The following TIMM44 variants were observed in gnomAD, a reference collection of about 807,000 sequenced individuals.
The protein encoded by TIMM44 is translocase of inner mitochondrial membrane 44.
TIMM44 carries 37 observed loss-of-function variants against 63.8 expected under a neutral mutation model. The observed-to-expected ratio is 0.58, with a 90% CI of 0.45 to 0.76. TIMM44 has a LOEUF of 0.76. Among genes scored for constraint, TIMM44 ranks in the 30% least tolerant of loss-of-function variants. The pLI is 0.00. For synonymous variants in TIMM44, 239 were observed against 245.1 expected (o/e 0.98, Z 0.23); for missense variants, 573 against 603.8 (o/e 0.95, Z 0.54).
chr19:7,933,711 C>T lies in TIMM44; in HGVS notation c.684-141G>A, dbSNP rs1216344181. The T allele has an allele frequency of 3.7e-6, 5 of 1,360,702 alleles. No homozygotes were observed. Among genetic ancestry groups the T allele is most frequent in the Non-Finnish European group, 5.2e-6 (5 of 959,584 alleles). 84.3% of individuals were successfully genotyped at this position (1,360,702 alleles called of 1,614,324 possible). A position where few individuals can be genotyped will look rare whatever the true frequency, so the allele number is the denominator to read the frequency against. The stretch of plus-strand genomic sequence containing the variant: ...GGGGCTCTGAGGACCCCGCCCTCAC[C>T]TCTCACCCTCAAATTCGAGGGAGCC... On this transcript the variant is annotated intron_variant, in intron 6 of 12. Transcript: ENST00000270538. The surrounding 1 kb of genome is among the most constrained non-coding windows in gnomAD (Gnocchi z 4.3).
intron 10 of TIMM44, chr19:7,928,555 A>T (rs1370905354): frequency 1.5e-5 from 3 of 202,094 alleles, no homozygotes; most frequent in South Asian, 1.6e-4. Context: ...ATCTGTCCTC[A>T]GCCTGAGGCT....
Position 7,933,626 on chromosome 19 carries a change from C to A in TIMM44, c.684-56G>T. On this transcript the variant is annotated intron_variant, in intron 6 of 12. Transcript: ENST00000270538. The surrounding 1 kb of genome is among the most constrained non-coding windows in gnomAD (Gnocchi z 4.3). ...GGCGGCGCCAGGGCCACCCTGTGCC[C>A]TCCTGCGGCTGCAGGCAGGGGGCAG... 1 of 1,506,822 alleles carries A rather than the reference C, an allele frequency of 6.6e-7. No individual in the cohort carries two copies. Among genetic ancestry groups the A allele is most frequent in the Non-Finnish European group, 9.2e-7 (1 of 1,083,114 alleles). 93.3% of individuals were successfully genotyped at this position (1,506,822 alleles called of 1,614,324 possible).
In TIMM44 at chr19:7,935,723, C is replaced by T. The variant is rs890132175; in HGVS notation, c.313-578G>A. Among the ~76,000 whole-genome samples, 4 of 152,330 alleles carry T rather than the reference C, an allele frequency of 2.6e-5. No homozygotes were observed. In the South Asian group the frequency reaches 8.3e-4, roughly 32 times the overall value. On this transcript the variant is annotated intron_variant, in intron 3 of 12. Coordinates refer to ENST00000270538, the MANE Select transcript of TIMM44 (RefSeq NM_006351.4). ...AACAGGAGGCCCAGCCTTCACCTTT[C>T]ACCGGGTGGTAGGAGGTGGCCTTGC... is the stretch of plus-strand genomic sequence containing the variant.
rs770117740 is a variant in TIMM44 at position 7,938,215 on chromosome 19, GA to G, written c.142-19del. 5.3e-5 allele frequency: 85 copies of G among 1,603,248 alleles called. No individual in the cohort carries two copies. Among genetic ancestry groups the G allele is most frequent in the Non-Finnish European group, 6.6e-5 (77 of 1,175,274 alleles). ...GATTTGGACTAGAAAGAATGTACAA[GA>G]AAAAAAATTTAAAGAACATAGTAGA... On this transcript the variant is annotated intron_variant, in intron 2 of 12. Transcript: ENST00000270538.
chr19:7,929,143 G>A (rs1191453871), intron 10 of TIMM44, among the ~76,000 whole-genome samples: 3 of 152,108 alleles, frequency 2.0e-5, no homozygotes, highest in Non-Finnish European at 4.4e-5. Flanking sequence ...GTCGGGGAGC[G>A]AATAGGGTGA....
rs1190074301 is a variant in TIMM44 at position 7,934,340 on chromosome 19, T to C, written c.394-102A>G. On this transcript the variant is annotated intron_variant, in intron 4 of 12. Transcript: ENST00000270538. This position sits in a 1 kb window ranked among gnomAD's most constrained non-coding sequence, Gnocchi z 5.3. ...CTGCCGGAGAGAAGGGCGGATCTGG[T>C]TCCCCGAGGCCGGCAGAGGCCTTCT... 4.0e-6 allele frequency: 6 copies of C among 1,505,290 alleles called. No individual in the cohort carries two copies. In the Admixed American group the frequency reaches 1.0e-4, roughly 25 times the overall value. The allele number at this position is 1,505,290 out of a possible 1,614,324, so 93.2% of individuals were successfully genotyped here.
chr19:7,939,695 C>A (rs1399650349), intron 2 of TIMM44, among the ~76,000 whole-genome samples: 2 of 151,416 alleles, frequency 1.3e-5, no homozygotes, highest in Non-Finnish European at 2.9e-5. Flanking sequence ...GTGGGCGGAT[C>A]ACTTGAGGCC....
At chr19:7,931,486 T>TG (rs1983981165) in intron 9 of TIMM44, 2 of 438,984 alleles carry the variant, frequency 4.6e-6, no homozygotes, top group East Asian at 8.7e-5. Context: ...GAAAGGTGGC[T>TG]GGGGACCCAG....
chr19:7,930,213 C>T (rs1246824868), intron 10 of TIMM44, among the ~76,000 whole-genome samples: 3 of 151,898 alleles, frequency 2.0e-5, no homozygotes, highest in Non-Finnish European at 4.4e-5. Flanking sequence ...CGATGACTCA[C>T]TGCAGCCTTG....
rs1160908793 is a variant in TIMM44, at chr19:7,927,012, C to T, written c.*175G>A. ...CGGGGGAGTGTCTCCAGCTGCCGCG[C>T]ACCCGCAACAGCCCGTTGTCCCCTC... On this transcript the variant is annotated 3_prime_UTR_variant, in exon 13 of 13. Transcript: ENST00000270538. 2 of 898,484 alleles carry T rather than the reference C, an allele frequency of 2.2e-6. No homozygotes were observed. The highest frequency in any genetic ancestry group is 1.6e-5 in the African/African-American group (1 of 60,844). The allele number at this position is 898,484 out of a possible 1,614,324, so 55.7% of individuals were successfully genotyped here. A position where few individuals can be genotyped will look rare whatever the true frequency, so the allele number is the denominator to read the frequency against.
At position 7,932,951 on chromosome 19, in the gene TIMM44, G is replaced by A. The variant is rs750592317; in HGVS notation, c.770-19C>T. 12 of 1,609,512 alleles carry A rather than the reference G, an allele frequency of 7.5e-6. No individual in the cohort carries two copies. Among genetic ancestry groups the A allele is most frequent in the South Asian group, 2.2e-5 (2 of 91,004 alleles). The stretch of plus-strand genomic sequence containing the variant: ...AAGAACCCTGTGGAAGATGGGGTAG[G>A]TGCTGGAGAAGGGGCCCCTTCCAGA... On this transcript the variant is annotated intron_variant, in intron 7 of 12. Coordinates refer to ENST00000270538, the MANE Select transcript of TIMM44 (RefSeq NM_006351.4).
rs1274931675 is a variant in TIMM44 at position 7,943,522 on chromosome 19, G to A, written c.45+85C>T. 3.9e-5 allele frequency: 57 copies of A among 1,467,786 alleles called. No individual in the cohort carries two copies. The East Asian group carries it at 8.1e-4, about 21-fold the overall frequency. 90.9% of individuals were successfully genotyped at this position (1,467,786 alleles called of 1,614,324 possible). ...AGGAGCCCAAGCAAGGGTCGCGAAGGCCAAGGGTCTGAGAAGAAAGCCTTG... is the reference window on the plus strand; with the variant it reads ...AGGAGCCCAAGCAAGGGTCGCGAAGACCAAGGGTCTGAGAAGAAAGCCTTG... On this transcript the variant is annotated intron_variant, in intron 1 of 12. Transcript: ENST00000270538. The surrounding 1 kb of genome is among the most constrained non-coding windows in gnomAD (Gnocchi z 4.3).
In TIMM44 at chr19:7,934,360, C is replaced by G; in HGVS notation, c.394-122G>C. The G allele has an allele frequency of 7.5e-7, 1 of 1,327,544 alleles. No individual in the cohort carries two copies. The highest frequency in any genetic ancestry group is 1.1e-6 in the Non-Finnish European group (1 of 941,218). 82.2% of individuals were successfully genotyped at this position (1,327,544 alleles called of 1,614,324 possible). ...TCTGGTTCCCCGAGGCCGGCAGAGG[C>G]CTTCTGTGCTCCTGTGGTACGCGGC... On this transcript the variant is annotated intron_variant, in intron 4 of 12. Transcript: ENST00000270538. This position sits in a 1 kb window ranked among gnomAD's most constrained non-coding sequence, Gnocchi z 5.3.
Position 7,928,956 on chromosome 19 carries a change from C to A in TIMM44, c.1039-790G>T, listed in dbSNP as rs1027273915. 3.5e-5 allele frequency: 5 copies of A among 142,842 alleles called. No homozygotes were observed. The East Asian group carries it at 9.9e-4, about 28-fold the overall frequency. 8.8% of individuals were successfully genotyped at this position (142,842 alleles called of 1,614,324 possible). A position where few individuals can be genotyped will look rare whatever the true frequency, so the allele number is the denominator to read the frequency against. ...AAAAAAAAAAAAAAAAAATCCACAT[C>A]GAAACTCATAAATGCCTGCTGGATT... On this transcript the variant is annotated intron_variant, in intron 10 of 12. Coordinates refer to ENST00000270538, the MANE Select transcript of TIMM44 (RefSeq NM_006351.4).
At chr19:7,932,519 C>T in intron 9 of TIMM44, 108 bp downstream of exon 9, 3 of 1,503,000 alleles carry the variant, frequency 2.0e-6, no homozygotes, top group African/African-American at 1.4e-5. Flanking sequence ...CAGAAAACAG[C>T]CTCGGCAGCA....
Position 7,938,210 on chromosome 19 carries a change from T to C in TIMM44, c.142-13A>G, listed in dbSNP as rs750069400. On this transcript the variant is annotated splice_polypyrimidine_tract_variant and intron_variant, in intron 2 of 12. Coordinates refer to ENST00000270538, the MANE Select transcript of TIMM44 (RefSeq NM_006351.4). ...AATATGATTTGGACTAGAAAGAATG[T>C]ACAAGAAAAAAAATTTAAAGAACAT... 11 of 1,607,624 alleles carry C rather than the reference T, an allele frequency of 6.8e-6. No homozygotes were observed. The African/African-American group carries it at 1.2e-4, about 18-fold the overall frequency.
At chr19:7,932,385 GCA>G in intron 9 of TIMM44, 1 of 575,232 alleles carries the variant, frequency 1.7e-6, no homozygotes. Flanking sequence ...ACAGCCTCAG[GCA>G]GGAGGAGTGA....
At chr19:7,927,940 C>T (rs1403822787) in intron 11 of TIMM44, 137 bp downstream of exon 11, 19 of 1,114,508 alleles carry the variant, frequency 1.7e-5, no homozygotes, top group Non-Finnish European at 2.2e-5. Context: ...CCCTCGAGAC[C>T]CTCCCCTTGG....
chr19:7,928,026 C>T (rs1220180475), intron 11 of TIMM44, 51 bp downstream of exon 11: 1 of 1,551,854 alleles, frequency 6.4e-7, no homozygotes, highest in African/African-American at 1.4e-5. Context: ...TTGTCTGGGC[C>T]ATAGTTCCCA....
Sources: gnomAD v4.1 joint callset for allele counts (sites outside exome capture counted in the v4.1 genomes callset) on GRCh38, gnomAD v4.1.1 for gene constraint, Gnocchi (gnomAD v3.1) non-coding constraint, MANE v1.5 for transcripts, NCBI Gene and HGNC (gene_info 2026-07-23, HGNC 2026-07-21) for gene names.